The following PTPRD variants were observed in gnomAD, a reference collection of about 807,000 sequenced individuals.
PTPRD encodes receptor-type tyrosine-protein phosphatase delta.
Under a neutral mutation model 214.5 loss-of-function variants are expected in PTPRD, and 34 were observed. The ratio of observed to expected loss-of-function variants is 0.16; its 90% confidence interval spans 0.12 to 0.21. PTPRD has a LOEUF of 0.21. Ranked by LOEUF, PTPRD falls within the 10% of genes least tolerant of loss-of-function variation. PTPRD has a pLI of 1.00. For synonymous variants in PTPRD, 1,128 were observed against 845.7 expected (o/e 1.33, Z -5.79); for missense variants, 2,545 against 2,398.7 (o/e 1.06, Z -1.27).
chr9:8,341,160 C>T lies in PTPRD; in HGVS notation c.5056G>A (p.Val1686Ile), dbSNP rs1042005549. 2 of 1,612,966 alleles carry T rather than the reference C, an allele frequency of 1.2e-6. No individual in the cohort carries two copies. The highest frequency in any genetic ancestry group is 1.3e-5 in the African/African-American group (1 of 74,768). Reference protein sequence around the residue: ...VNIMPYESTRVCLQPIRGVEG... With the variant: ...VNIMPYESTRICLQPIRGVEG... The stretch of plus-strand genomic sequence containing the variant: ...ACTCCACGGATAGGCTGCAGGCATA[C>T]CCTTGTGGATTCATATGGCATAATA... Residue 1686 changes from valine (V) to isoleucine (I), a missense_variant, in exon 41 of 46, where the codon GTA (valine) becomes ATA (isoleucine). Physicochemically the swap from Val to Ile is conservative, Grantham distance 29. Transcript: ENST00000381196.
chr9:8,877,206 T>G (rs1443936450), intron 11 of PTPRD, among the ~76,000 whole-genome samples: 1 of 152,192 alleles, frequency 6.6e-6, no homozygotes, highest in Non-Finnish European at 1.5e-5. Flanking sequence ...ATTAAAGGCG[T>G]GAACCACCGC....
chr9:10,424,666 G>T (rs1648744235), intron 2 of PTPRD, among the ~76,000 whole-genome samples: 3 of 151,864 alleles, frequency 2.0e-5, no homozygotes, highest in South Asian at 4.1e-4. Context: ...AAGCAAAGGG[G>T]TTTGGAAACC....
intron 9 of PTPRD, among the ~76,000 whole-genome samples, chr9:9,241,076 C>T (rs775940682): frequency 2.6e-5 from 4 of 152,118 alleles, no homozygotes; most frequent in Non-Finnish European, 5.9e-5. Flanking sequence ...ATTTTGTGAA[C>T]GTGCTCATCG....
At chr9:8,744,348 G>GC (rs113382689) in intron 11 of PTPRD, among the ~76,000 whole-genome samples, 10,915 of 152,190 alleles carry the variant, frequency 0.072, 1,030 homozygotes, top group African/African-American at 0.22. Context: ...ACTTGCACAC[G>GC]CATGTATACA....
At chr9:9,696,293 G>A (rs907916301) in intron 7 of PTPRD, among the ~76,000 whole-genome samples, 3 of 152,120 alleles carry the variant, frequency 2.0e-5, no homozygotes, top group African/African-American at 7.2e-5. Flanking sequence ...TGGATGAAAT[G>A]TTCTACAAAT....
At chr9:9,028,276 G>T (rs886919869) in intron 10 of PTPRD, among the ~76,000 whole-genome samples, 1 of 151,824 alleles carries the variant, frequency 6.6e-6, no homozygotes, top group South Asian at 2.1e-4. Context: ...TATGTCTTCC[G>T]TAATACTATT....
rs542152033 is a variant in PTPRD at position 9,878,506 on chromosome 9, T to C, written c.-368+60001A>G. Among the ~76,000 whole-genome samples the C allele has an allele frequency of 5.3e-5, 8 of 152,212 alleles. No homozygotes were observed. The South Asian group carries it at 1.5e-3, about 28-fold the overall frequency. On this transcript the variant is annotated intron_variant, in intron 5 of 45. Coordinates refer to ENST00000381196, the MANE Select transcript of PTPRD (RefSeq NM_002839.4). ...ATAGGCATTATCCAGGAGGGGCAAA[T>C]AAATGTAATAGCAGACAAATTAACC...
rs1023716538 is a variant in PTPRD, at chr9:10,174,752, T to C, written c.-544-140962A>G. On this transcript the variant is annotated intron_variant, in intron 3 of 45. Coordinates refer to ENST00000381196, the MANE Select transcript of PTPRD (RefSeq NM_002839.4). The stretch of plus-strand genomic sequence containing the variant: ...CTACGGTAATTTCAACAAATGTTTA[T>C]AGAAAAACCATAAAAGAGGCATAAT... 4.6e-5 allele frequency among the ~76,000 whole-genome samples: 7 copies of C among 152,092 alleles called. No homozygotes were observed. In the South Asian group the frequency reaches 1.5e-3, roughly 32 times the overall value.
chr9:10,094,528 T>C (rs2098463822), intron 3 of PTPRD, among the ~76,000 whole-genome samples: 1 of 120,206 alleles, frequency 8.3e-6, no homozygotes, highest in Non-Finnish European at 1.6e-5. Flanking sequence ...TGGTTTTTTT[T>C]TTCTTTCTTT....
intron 6 of PTPRD, among the ~76,000 whole-genome samples, chr9:9,760,241 A>G (rs1237961567): frequency 6.6e-6 from 1 of 152,120 alleles, no homozygotes; most frequent in Admixed American, 6.5e-5. Context: ...TTGTTACTGA[A>G]AACATTCATA....
Position 10,055,106 on chromosome 9 carries a change from G to A in PTPRD, c.-544-21316C>T, listed in dbSNP as rs139996168. On this transcript the variant is annotated intron_variant, in intron 3 of 45. Transcript: ENST00000381196. ...TGCAAGTTGAAGAGGGCCTTCACCA[G>A]GAATTGAATCTTCCTAATCTTTGAT... is the stretch of plus-strand genomic sequence containing the variant. Among the ~76,000 whole-genome samples the A allele has an allele frequency of 3.5e-4, 54 of 152,268 alleles. No homozygotes were observed. In the East Asian group the frequency reaches 5.8e-3, roughly 16 times the overall value.
intron 10 of PTPRD, among the ~76,000 whole-genome samples, chr9:9,024,797 T>C (rs969122623): frequency 6.6e-6 from 1 of 151,932 alleles, no homozygotes; most frequent in Non-Finnish European, 1.5e-5. Flanking sequence ...ACTTTTTATA[T>C]ATTAAGGATA....
chr9:9,512,682 C>A (rs114936810), intron 8 of PTPRD, among the ~76,000 whole-genome samples: 1,519 of 151,792 alleles, frequency 0.01, 28 homozygotes, highest in African/African-American at 0.035. Context: ...TTAGGAGATA[C>A]ATGAGTTTCT....
rs1016298173 is a variant in PTPRD, at chr9:10,059,943, TGTAA to T, written c.-544-26157_-544-26154del. Among the ~76,000 whole-genome samples, 15 of 152,122 alleles carry T rather than the reference TGTAA, an allele frequency of 9.9e-5. No homozygotes were observed. In the East Asian group the frequency reaches 1.6e-3, roughly 16 times the overall value. ...ATATTGCTGCATTCAGAGATAAAAA[TGTAA>T]GTAAGATTATTATATTGCACAGATA... On this transcript the variant is annotated intron_variant, in intron 3 of 45. Transcript: ENST00000381196.
At chr9:8,505,491 G>A (rs948381857) in intron 22 of PTPRD, among the ~76,000 whole-genome samples, 1 of 151,616 alleles carries the variant, frequency 6.6e-6, no homozygotes, top group Non-Finnish European at 1.5e-5. Context: ...GTGTGGTGGT[G>A]GGCGCCTGTG....
chr9:9,826,072 T>G (rs1340374006), intron 5 of PTPRD, among the ~76,000 whole-genome samples: 1 of 151,796 alleles, frequency 6.6e-6, no homozygotes, highest in Non-Finnish European at 1.5e-5. Flanking sequence ...TTATTTGTTT[T>G]TCTTCTTCAG....
chr9:9,815,289 T>C (rs1294261863), intron 5 of PTPRD, among the ~76,000 whole-genome samples: 1 of 152,068 alleles, frequency 6.6e-6, no homozygotes, highest in Non-Finnish European at 1.5e-5. Flanking sequence ...CTTCAATAAA[T>C]GGTGCCTGGA....
At chr9:9,027,961 T>G (rs2099592715) in intron 10 of PTPRD, among the ~76,000 whole-genome samples, 1 of 151,996 alleles carries the variant, frequency 6.6e-6, no homozygotes. Context: ...TTTTTTAGCC[T>G]GTACACAAGG....
chr9:9,365,465 CAT>C (rs1009306298), intron 9 of PTPRD, among the ~76,000 whole-genome samples: 8 of 151,460 alleles, frequency 5.3e-5, no homozygotes, highest in African/African-American at 1.9e-4. Context: ...TTGTTTAACT[CAT>C]GAATTCCCTA....
Sources: gnomAD v4.1 joint callset for allele counts (sites outside exome capture counted in the v4.1 genomes callset) on GRCh38, gnomAD v4.1.1 for gene constraint, MANE v1.5 for transcripts, NCBI Gene and HGNC (gene_info 2026-07-23, HGNC 2026-07-21) for gene names.